KLHDC2: variants seen among roughly 807,000 people sequenced by gnomAD.
KLHDC2 encodes the protein kelch domain-containing protein 2.
A neutral mutation model predicts 62.3 loss-of-function variants in KLHDC2; 38 were observed. The ratio of observed to expected loss-of-function variants is 0.61; its 90% CI spans 0.47 to 0.80. KLHDC2 has a LOEUF of 0.80. Among genes scored for constraint, KLHDC2 ranks in the 30% least tolerant of loss-of-function variants. The pLI is 0.00. For synonymous variants in KLHDC2, 159 were observed against 161.0 expected (o/e 0.99, Z 0.09); for missense variants, 430 against 495.3 (o/e 0.87, Z 1.25).
At chr14:49,782,709 T>A in intron 12 of KLHDC2, 115 bp downstream of exon 12, 1 of 1,385,184 alleles carries the variant, frequency 7.2e-7, no homozygotes, top group Non-Finnish European at 9.9e-7. Flanking sequence ...TTCATTGCTA[T>A]AACCAGTTCC....
chr14:49,771,552 T>TA, intron 1 of KLHDC2, 42 bp from the exon 2 acceptor site: 1 of 882,180 alleles, frequency 1.1e-6, no homozygotes, highest in South Asian at 1.4e-5. Flanking sequence ...AGTGCCTCTT[T>TA]AAAATACCAG....
At position 49,768,301 on chromosome 14, in the gene KLHDC2, G is replaced by T. The variant is rs1889585330; in HGVS notation, c.-168G>T. 1.4e-6 allele frequency: 1 copy of T among 700,558 alleles called. No homozygotes were observed. Among genetic ancestry groups the T allele is most frequent in the Non-Finnish European group, 2.2e-6 (1 of 448,498 alleles). 43.4% of individuals were successfully genotyped at this position (700,558 alleles called of 1,614,324 possible). On this transcript the variant is annotated 5_prime_UTR_variant, in exon 1 of 13. Coordinates refer to ENST00000298307, the MANE Select transcript of KLHDC2 (RefSeq NM_014315.3). ...CGGCGGCGGAGAGCCGTCCTCGGCC[G>T]AGGAGGCTGGGAAACGCGAGCGCAG...
Position 49,782,424 on chromosome 14 carries a change from A to T in KLHDC2, c.1011A>T (p.Gly337=), listed in dbSNP as rs773721399. 1.2e-6 allele frequency: 2 copies of T among 1,612,436 alleles called. No individual in the cohort carries two copies. Among genetic ancestry groups the T allele is most frequent in the Non-Finnish European group, 1.7e-6 (2 of 1,178,584 alleles). Residue 337 remains glycine, a synonymous_variant, in exon 11 of 13, where the codon GGA becomes GGT. Transcript: ENST00000298307. The part of the protein sequence containing the change: ...SDEGEVIVFG[G]CANNLLVHHR... ...AAGGAGAAGTAATTGTTTTTGGTGG[A>T]TGTGCCAACAACTTGCTTGTCCATC...
intron 3 of KLHDC2, among the ~76,000 whole-genome samples, chr14:49,775,655 C>T (rs1889757420): frequency 1.5e-5 from 2 of 136,544 alleles, no homozygotes; most frequent in South Asian, 4.8e-4. Context: ...GGGACAGAGT[C>T]TCGCTCTGTC....
At chr14:49,771,727 G>C (rs1889668817) in intron 2 of KLHDC2, 54 bp downstream of exon 2, 2 of 907,326 alleles carry the variant, frequency 2.2e-6, no homozygotes, top group Non-Finnish European at 3.7e-6. Flanking sequence ...GGCTGGGCAC[G>C]GTGGCTGGCT....
rs540547555 is a variant in KLHDC2, at chr14:49,768,800, C to T, written c.153+179C>T. 8.5e-6 allele frequency: 5 copies of T among 590,048 alleles called. No individual in the cohort carries two copies. The East Asian group carries it at 1.0e-4, about 12-fold the overall frequency. The allele number at this position is 590,048 out of a possible 1,614,324, so 36.6% of individuals were successfully genotyped here. A position where few individuals can be genotyped will look rare whatever the true frequency, so the allele number is the denominator to read the frequency against. On this transcript the variant is annotated intron_variant, in intron 1 of 12. Coordinates refer to ENST00000298307, the MANE Select transcript of KLHDC2 (RefSeq NM_014315.3). ...TTGCGCGCGGGAATCTTCCTTCTCTCGAGTACCCCAACCCGTCTCGAACCT... is the reference window on the plus strand; with the variant it reads ...TTGCGCGCGGGAATCTTCCTTCTCTTGAGTACCCCAACCCGTCTCGAACCT...
Position 49,785,007 on chromosome 14 carries a change from GTAAA to G in KLHDC2, c.*2057_*2060del, listed in dbSNP as rs779597362. The G allele has an allele frequency of 5.6e-6, 9 of 1,612,704 alleles. No homozygotes were observed. The highest frequency in any genetic ancestry group is 7.6e-6 in the Non-Finnish European group (9 of 1,179,078). ...ACTATTCAAGGCTGTTTTTGCAGCT[GTAAA>G]TACAAAAAAGAGTAAGAATAATCTA... On this transcript the variant is annotated 3_prime_UTR_variant, in exon 13 of 13. Coordinates refer to ENST00000298307, the MANE Select transcript of KLHDC2 (RefSeq NM_014315.3).
chr14:49,776,625 A>G (rs1021997598), intron 3 of KLHDC2, among the ~76,000 whole-genome samples: 1 of 152,108 alleles, frequency 6.6e-6, no homozygotes, highest in Non-Finnish European at 1.5e-5. Flanking sequence ...ATACCCATAA[A>G]ATAAATATCA....
chr14:49,778,306 A>G (rs754038463), intron 5 of KLHDC2, 47 bp downstream of exon 5: 1 of 1,380,290 alleles, frequency 7.2e-7, no homozygotes, highest in South Asian at 1.2e-5. Context: ...GTATGTTGAA[A>G]TAATACATTT....
At chr14:49,777,609 A>G (rs1018585158) in intron 3 of KLHDC2, among the ~76,000 whole-genome samples, 5 of 151,720 alleles carry the variant, frequency 3.3e-5, no homozygotes, top group Admixed American at 6.6e-5. Context: ...AAGTGTGACT[A>G]TGAAAAAAAA....
At position 49,785,651 on chromosome 14, in the gene KLHDC2, G is replaced by C. The variant is rs141885737; in HGVS notation, c.*2698G>C. On this transcript the variant is annotated 3_prime_UTR_variant, in exon 13 of 13. Transcript: ENST00000298307. ...AATCCTAGGACTCTGGAAGGCTCAG[G>C]CTGAGGCGGGTGGATCGCTTGAGCC... 157 of 240,290 alleles carry C rather than the reference G, an allele frequency of 6.5e-4. No individual in the cohort carries two copies. Among genetic ancestry groups the C allele is most frequent in the African/African-American group, 3.3e-3 (144 of 44,130 alleles). The allele number at this position is 240,290 out of a possible 1,614,324, so 14.9% of individuals were successfully genotyped here.
chr14:49,780,121 TCATAACA>T, intron 8 of KLHDC2, 85 bp from the exon 9 acceptor site: 1 of 815,786 alleles, frequency 1.2e-6, no homozygotes, highest in African/African-American at 1.7e-5. Flanking sequence ...GTCTCTTTTT[TCATAACA>T]TGTACATATA....
At chr14:49,770,250 C>G (rs750065778) in intron 1 of KLHDC2, among the ~76,000 whole-genome samples, 3 of 152,138 alleles carry the variant, frequency 2.0e-5, no homozygotes, top group Non-Finnish European at 4.4e-5. Context: ...CTGCCCTCCC[C>G]ATTTATGGCT....
intron 2 of KLHDC2, among the ~76,000 whole-genome samples, chr14:49,773,569 AC>A (rs1461205195): frequency 8.1e-6 from 1 of 122,804 alleles, no homozygotes; most frequent in Non-Finnish European, 1.7e-5. Context: ...AAAAATAATA[AC>A]TTTTTTTTTT....
chr14:49,775,035 A>G, intron 3 of KLHDC2: 1 of 224,330 alleles, frequency 4.5e-6, no homozygotes, highest in Non-Finnish European at 8.8e-6. Flanking sequence ...AAAAATGAGC[A>G]GGCAACCAGT....
intron 1 of KLHDC2, among the ~76,000 whole-genome samples, chr14:49,771,336 G>A (rs1237599820): frequency 1.3e-5 from 2 of 150,684 alleles, no homozygotes; most frequent in African/African-American, 4.9e-5. Flanking sequence ...CTGAGCAATA[G>A]AGACTTGGAC....
intron 9 of KLHDC2, 128 bp from the exon 10 acceptor site, chr14:49,780,575 G>T (rs1889873584): frequency 1.4e-6 from 1 of 736,636 alleles, no homozygotes; most frequent in Non-Finnish European, 2.4e-6. Context: ...TTGCAGGGGG[G>T]GGAAAAAAAA....
chr14:49,777,071 G>T (rs1021710040), intron 3 of KLHDC2, among the ~76,000 whole-genome samples: 1 of 152,052 alleles, frequency 6.6e-6, no homozygotes, highest in Non-Finnish European at 1.5e-5. Flanking sequence ...TCCGCCATAA[G>T]AAGGAACAAA....
rs1889585819 is a variant in KLHDC2, at chr14:49,768,315, A to G, written c.-154A>G. ...CGTCCTCGGCCGAGGAGGCTGGGAAACGCGAGCGCAGGCGGCAGAGAGGCC... is the reference window on the plus strand; with the variant it reads ...CGTCCTCGGCCGAGGAGGCTGGGAAGCGCGAGCGCAGGCGGCAGAGAGGCC... On this transcript the variant is annotated 5_prime_UTR_variant, in exon 1 of 13. Coordinates refer to ENST00000298307, the MANE Select transcript of KLHDC2 (RefSeq NM_014315.3). The G allele has an allele frequency of 3.7e-6, 3 of 803,014 alleles. No homozygotes were observed. The highest frequency in any genetic ancestry group is 5.6e-6 in the Non-Finnish European group (3 of 536,210). 49.7% of individuals were successfully genotyped at this position (803,014 alleles called of 1,614,324 possible).
Sources: gnomAD v4.1 joint callset for allele counts (sites outside exome capture counted in the v4.1 genomes callset) on GRCh38, gnomAD v4.1.1 for gene constraint, MANE v1.5 for transcripts, NCBI Gene and HGNC (gene_info 2026-07-23, HGNC 2026-07-21) for gene names.